FUBP3: variants seen among roughly 807,000 people sequenced by gnomAD.
FUBP3 encodes far upstream element-binding protein 3.
A neutral mutation model predicts 85.6 loss-of-function variants in FUBP3; 28 were observed. That is an observed-to-expected ratio of 0.33 (90% CI 0.24 to 0.45). The LOEUF is 0.45. Among genes scored for constraint, FUBP3 ranks in the 20% least tolerant of loss-of-function variants. The pLI is 1.00. For synonymous variants in FUBP3, 271 were observed against 271.4 expected (o/e 1.00, Z 0.01); for missense variants, 583 against 755.1 (o/e 0.77, Z 2.67).
In FUBP3 at chr9:130,623,736, A is replaced by C. The variant is rs145535460; in HGVS notation, c.975+25A>C. 182 of 1,506,174 alleles carry C rather than the reference A, an allele frequency of 1.2e-4. No homozygotes were observed. The African/African-American group carries it at 2.4e-3, about 20-fold the overall frequency. 93.3% of individuals were successfully genotyped at this position (1,506,174 alleles called of 1,614,324 possible). A position where few individuals can be genotyped will look rare whatever the true frequency, so the allele number is the denominator to read the frequency against. On this transcript the variant is annotated intron_variant, in intron 11 of 18. Coordinates refer to ENST00000319725, the MANE Select transcript of FUBP3 (RefSeq NM_003934.2). Reference sequence around the variant, plus strand: ...GGTGGGTCCAGCTCTGCAGAGTGTGAGTGTTTGGGCTGCAGAAGTGGAAAG... The same window carrying C: ...GGTGGGTCCAGCTCTGCAGAGTGTGCGTGTTTGGGCTGCAGAAGTGGAAAG...
intron 1 of FUBP3, among the ~76,000 whole-genome samples, chr9:130,589,824 C>A (rs1335064405): frequency 1.3e-5 from 2 of 148,598 alleles, no homozygotes; most frequent in Admixed American, 1.3e-4. Flanking sequence ...GATCCTCCTG[C>A]CTCAGCCTCC....
intron 2 of FUBP3, among the ~76,000 whole-genome samples, chr9:130,600,759 G>A (rs750596414): frequency 1.3e-5 from 2 of 152,120 alleles, no homozygotes; most frequent in Non-Finnish European, 2.9e-5. Context: ...GATTGCTTGC[G>A]TCCAGGAGTT....
At chr9:130,617,736 C>T (rs1258766022) in intron 7 of FUBP3, 61 bp from the exon 8 acceptor site, 20 of 1,051,406 alleles carry the variant, frequency 1.9e-5, no homozygotes, top group South Asian at 1.9e-4. Flanking sequence ...CGATTTTGTG[C>T]TGCCCTGCAT....
chr9:130,616,362 A>G lies in FUBP3; in HGVS notation c.412A>G (p.Lys138Glu). 6.2e-7 allele frequency: 1 copy of G among 1,614,152 alleles called. No homozygotes were observed. Among genetic ancestry groups the G allele is most frequent in the South Asian group, 1.1e-5 (1 of 91,078 alleles). ...TGTPESIEQAKRLLGQIVDRC... is the reference protein window; with the variant it reads ...TGTPESIEQAERLLGQIVDRC... ...TTCTTTTCCCTCCCAAAGACAAGCCAAACGGCTCCTGGGACAGATTGTGGA... is the reference window on the plus strand; with the variant it reads ...TTCTTTTCCCTCCCAAAGACAAGCCGAACGGCTCCTGGGACAGATTGTGGA... Residue 138 changes from lysine to glutamate, a missense_variant, in exon 7 of 19, where the codon AAA (lysine) becomes GAA (glutamate). Physicochemically the swap from Lys to Glu is moderately conservative, Grantham distance 56. Coordinates refer to ENST00000319725, the MANE Select transcript of FUBP3 (RefSeq NM_003934.2). The surrounding 1 kb of genome is among the most constrained non-coding windows in gnomAD (Gnocchi z 4.7).
chr9:130,580,202 A>G (rs1434280225), intron 1 of FUBP3, among the ~76,000 whole-genome samples: 1 of 152,200 alleles, frequency 6.6e-6, no homozygotes, highest in Non-Finnish European at 1.5e-5. Flanking sequence ...TCTGTTGAGT[A>G]GAAGGAACTC....
At position 130,630,639 on chromosome 9, in the gene FUBP3, A is replaced by G. The variant is rs1252676821; in HGVS notation, c.1129A>G (p.Ile377Val). Residue 377 changes from isoleucine to valine, a missense_variant, in exon 13 of 19, where the codon ATC (isoleucine) becomes GTC (valine). Physicochemically the swap from Ile to Val is conservative, Grantham distance 29. This residue lies in a region of FUBP3 where 404 missense variants were observed against 516.8 expected (regional missense o/e 0.78). Transcript: ENST00000319725. ...GLVIGKGGEN[I>V]KSINQQSGAH... ...TGTGCTGTCCGCAGGGGGTGAGAAC[A>G]TCAAAAGCATCAACCAGCAGTCAGG... 3 of 1,597,114 alleles carry G rather than the reference A, an allele frequency of 1.9e-6. No homozygotes were observed. The highest frequency in any genetic ancestry group is 2.6e-6 in the Non-Finnish European group (3 of 1,172,242).
chr9:130,636,122 G>A lies in FUBP3; in HGVS notation c.1706G>A (p.Ser569Asn). 1 of 1,613,126 alleles carries A rather than the reference G, an allele frequency of 6.2e-7. No individual in the cohort carries two copies. Among genetic ancestry groups the A allele is most frequent in the South Asian group, 1.1e-5 (1 of 91,066 alleles). Residue 569 changes from serine to asparagine, a missense_variant, in exon 18 of 19, where the codon AGC (serine) becomes AAC (asparagine). Physicochemically the swap from Ser to Asn is conservative, Grantham distance 46 (BLOSUM62 1). Coordinates refer to ENST00000319725, the MANE Select transcript of FUBP3 (RefSeq NM_003934.2). ...GQTLGQAQAH[S>N]QEQ is the part of the protein sequence containing the mutation. Reference sequence around the variant, plus strand: ...ACGTTAGGGCAGGCGCAGGCCCACAGCCAGGTCTGTAGCTGATCACCAGCA... The same window carrying A: ...ACGTTAGGGCAGGCGCAGGCCCACAACCAGGTCTGTAGCTGATCACCAGCA...
intron 1 of FUBP3, among the ~76,000 whole-genome samples, chr9:130,587,055 GTTTT>G (rs369585277): frequency 3.4e-5 from 4 of 119,370 alleles, no homozygotes; most frequent in Admixed American, 1.7e-4. Flanking sequence ...GGCGTTTTTT[GTTTT>G]TTTTTTTTGT....
At chr9:130,594,773 T>G (rs1035568315) in intron 1 of FUBP3, among the ~76,000 whole-genome samples, 3 of 151,592 alleles carry the variant, frequency 2.0e-5, no homozygotes, top group African/African-American at 7.3e-5. Context: ...TTTGAGCACA[T>G]GAGGCCTTTC....
At position 130,623,590 on chromosome 9, in the gene FUBP3, GTC is replaced by G; in HGVS notation, c.875-16_875-15del. ...TAACGTTGGGCTTTTTTCTAATCCT[GTC>G]TCTCACCTGGCTCCTCAGATGATGG... On this transcript the variant is annotated intron_variant, in intron 10 of 18. Coordinates refer to ENST00000319725, the MANE Select transcript of FUBP3 (RefSeq NM_003934.2). 1 of 1,500,270 alleles carries G rather than the reference GTC, an allele frequency of 6.7e-7. No individual in the cohort carries two copies. Among genetic ancestry groups the G allele is most frequent in the Non-Finnish European group, 9.3e-7 (1 of 1,077,852 alleles). The allele number at this position is 1,500,270 out of a possible 1,614,324, so 92.9% of individuals were successfully genotyped here.
At chr9:130,624,651 G>GTT (rs1491485430) in intron 11 of FUBP3, among the ~76,000 whole-genome samples, 1 of 134,610 alleles carries the variant, frequency 7.4e-6, no homozygotes, top group Non-Finnish European at 1.6e-5. Flanking sequence ...GTGTGTGTGT[G>GTT]TTTTTAAGCT....
intron 7 of FUBP3, among the ~76,000 whole-genome samples, chr9:130,617,429 G>A (rs76500958): frequency 0.035 from 5,296 of 152,260 alleles, 124 homozygotes; most frequent in Non-Finnish European, 0.053. Flanking sequence ...ACCTAGGGCC[G>A]TATGTGCTGA....
chr9:130,598,560 T>A (rs1305473247), intron 2 of FUBP3, among the ~76,000 whole-genome samples: 1 of 152,260 alleles, frequency 6.6e-6, no homozygotes, highest in Non-Finnish European at 1.5e-5. Flanking sequence ...GAGGTTACTT[T>A]GCATTACAGC....
intron 2 of FUBP3, among the ~76,000 whole-genome samples, chr9:130,601,750 C>T (rs527295259): frequency 7.3e-5 from 11 of 151,714 alleles, no homozygotes; most frequent in Non-Finnish European, 1.0e-4. Context: ...CAGTTACCCA[C>T]GGTCAACCAC....
intron 6 of FUBP3, among the ~76,000 whole-genome samples, chr9:130,614,565 G>A (rs533619732): frequency 6.6e-6 from 1 of 152,292 alleles, no homozygotes; most frequent in African/African-American, 2.4e-5. Context: ...CCCCACAGCT[G>A]TCATAACATC....
At chr9:130,599,318 T>C (rs1831019817) in intron 2 of FUBP3, among the ~76,000 whole-genome samples, 1 of 150,776 alleles carries the variant, frequency 6.6e-6, no homozygotes, top group Non-Finnish European at 1.5e-5. Flanking sequence ...CATATATAGA[T>C]ACACATATAT....
At chr9:130,631,873 G>A (rs1361136859) in intron 14 of FUBP3, 69 bp from the exon 15 acceptor site, 6 of 1,178,986 alleles carry the variant, frequency 5.1e-6, no homozygotes, top group Non-Finnish European at 7.6e-6. Flanking sequence ...AGTGCCCTGG[G>A]GCTGCGGGGA....
In FUBP3 at chr9:130,613,571, G is replaced by A. The variant is rs143260572; in HGVS notation, c.346+544G>A. ...AGAACAATTTTTTATTTTATTTATG[G>A]TTTTGTCATCTAATTTGAGCTTGAC... is the stretch of plus-strand genomic sequence containing the variant. On this transcript the variant is annotated intron_variant, in intron 5 of 18. Transcript: ENST00000319725. 5.2e-3 allele frequency among the ~76,000 whole-genome samples: 797 copies of A among 152,292 alleles called. 8 individuals are homozygous for A. The highest frequency in any genetic ancestry group is 0.018 in the African/African-American group (753 of 41,570).
chr9:130,623,590 G>C, intron 10 of FUBP3, 21 bp from the exon 11 acceptor site: 1 of 1,500,272 alleles, frequency 6.7e-7, no homozygotes, highest in Non-Finnish European at 9.3e-7. Context: ...TTCTAATCCT[G>C]TCTCTCACCT....
Sources: allele counts gnomAD v4.1 joint callset (sites outside exome capture counted in the v4.1 genomes callset), GRCh38; gene constraint gnomAD v4.1.1; regional missense constraint gnomAD v4.1.1; non-coding constraint Gnocchi (gnomAD v3.1); transcripts MANE v1.5; gene names NCBI Gene and HGNC (gene_info 2026-07-23, HGNC 2026-07-21).